GRB2: variants seen among roughly 807,000 people sequenced by gnomAD.
GRB2 encodes growth factor receptor-bound protein 2.
A neutral mutation model predicts 27.4 loss-of-function variants in GRB2; 2 were observed. That is an observed-to-expected ratio of 0.07 (90% CI 0.03 to 0.23). GRB2 has a LOEUF of 0.23. Among genes scored for constraint, GRB2 ranks in the 10% least tolerant of loss-of-function variants. The pLI is 1.00. For synonymous variants in GRB2, 94 were observed against 99.6 expected, an observed-to-expected ratio of 0.94 and a Z score of 0.33; for missense variants, 102 against 282.4, an observed-to-expected ratio of 0.36 and a Z score of 4.58.
At chr17:75,380,060 G>C (rs986442850) in intron 2 of GRB2, among the ~76,000 whole-genome samples, 5 of 152,176 alleles carry the variant, frequency 3.3e-5, no homozygotes, top group Non-Finnish European at 1.5e-5. Flanking sequence ...TATTCGTAGA[G>C]AAAACAGCTG....
chr17:75,398,797 G>A (rs1418472560), intron 1 of GRB2, among the ~76,000 whole-genome samples: 1 of 151,792 alleles, frequency 6.6e-6, no homozygotes, highest in Non-Finnish European at 1.5e-5. Flanking sequence ...CCTCAGGCTG[G>A]AGTGCAGTGG....
intron 1 of GRB2, among the ~76,000 whole-genome samples, chr17:75,401,338 G>A (rs980096010): frequency 3.3e-5 from 5 of 150,980 alleles, no homozygotes; most frequent in African/African-American, 1.2e-4. Context: ...CCAGCTACTC[G>A]GGAGGCTGAG....
intron 3 of GRB2, 127 bp from the exon 4 acceptor site, chr17:75,326,147 C>T: frequency 9.4e-7 from 1 of 1,066,002 alleles, no homozygotes. Flanking sequence ...ATCCTCCAGC[C>T]TCACAGTGCC....
At chr17:75,351,279 G>A (rs1278174411) in intron 2 of GRB2, among the ~76,000 whole-genome samples, 1 of 152,072 alleles carries the variant, frequency 6.6e-6, no homozygotes, top group Non-Finnish European at 1.5e-5. Flanking sequence ...TAGGAACAGG[G>A]TGCACAGGAC....
chr17:75,393,534 T>A lies in GRB2; in HGVS notation c.78+17A>T. 1 of 1,604,760 alleles carries A rather than the reference T, an allele frequency of 6.2e-7. No individual in the cohort carries two copies. The highest frequency in any genetic ancestry group is 8.5e-7 in the Non-Finnish European group (1 of 1,171,426). On this transcript the variant is annotated intron_variant, in intron 2 of 5. Transcript: ENST00000316804. ...AGGGAGAGCGATCTCAGCATTGTGC[T>A]CGGCATCAGCACTTACCTTGAGGAT... is the stretch of plus-strand genomic sequence containing the variant.
chr17:75,349,402 A>T (rs2078674721), intron 2 of GRB2, among the ~76,000 whole-genome samples: 1 of 152,050 alleles, frequency 6.6e-6, no homozygotes, highest in African/African-American at 2.4e-5. Flanking sequence ...TAGCCTGCTA[A>T]GGCTGTAAAA....
chr17:75,364,563 G>A (rs570331866), intron 2 of GRB2, among the ~76,000 whole-genome samples: 2 of 152,182 alleles, frequency 1.3e-5, no homozygotes, highest in South Asian at 2.1e-4. Context: ...GTCCATGTCT[G>A]TAACCACTAT....
intron 2 of GRB2, among the ~76,000 whole-genome samples, chr17:75,348,832 C>T (rs977867216): frequency 5.9e-5 from 9 of 152,140 alleles, no homozygotes; most frequent in African/African-American, 1.2e-4. Context: ...CACGCCGCCA[C>T]GCCTGGATAA....
At chr17:75,343,529 A>G (rs561850506) in intron 2 of GRB2, among the ~76,000 whole-genome samples, 8 of 152,338 alleles carry the variant, frequency 5.3e-5, no homozygotes, top group African/African-American at 1.4e-4. Flanking sequence ...AGTTCAAAAG[A>G]TAACTAGGAT....
At chr17:75,334,716 G>C (rs866931746) in intron 2 of GRB2, among the ~76,000 whole-genome samples, 3 of 152,174 alleles carry the variant, frequency 2.0e-5, no homozygotes, top group African/African-American at 7.2e-5. Flanking sequence ...AAGGTGGGAA[G>C]ACTGCTTTAG....
At chr17:75,340,952 AAC>A (rs1236341373) in intron 2 of GRB2, among the ~76,000 whole-genome samples, 1 of 152,158 alleles carries the variant, frequency 6.6e-6, no homozygotes, top group East Asian at 1.9e-4. Context: ...CTCACCCAGG[AAC>A]ACAGAGAGAA....
At chr17:75,340,480 C>T (rs560315994) in intron 2 of GRB2, among the ~76,000 whole-genome samples, 1 of 152,174 alleles carries the variant, frequency 6.6e-6, no homozygotes, top group Non-Finnish European at 1.5e-5. Context: ...ATTCTAGTGA[C>T]ATCTACTACA....
At chr17:75,363,662 A>G (rs1287091968) in intron 2 of GRB2, among the ~76,000 whole-genome samples, 2 of 151,724 alleles carry the variant, frequency 1.3e-5, no homozygotes, top group Non-Finnish European at 2.9e-5. Flanking sequence ...GATCGAGACC[A>G]TCCTGGCCAA....
intron 2 of GRB2, among the ~76,000 whole-genome samples, chr17:75,337,892 CTACTACTACTATTATTAT>C (rs1282272150): frequency 7.8e-6 from 1 of 127,652 alleles, no homozygotes; most frequent in African/African-American, 3.1e-5. Context: ...ACTACTACTA[CTACTACTACTATTATTAT>C]TATTATTATT....
intron 1 of GRB2, among the ~76,000 whole-genome samples, chr17:75,400,314 T>C (rs1176531449): frequency 5.3e-5 from 8 of 151,514 alleles, no homozygotes; most frequent in Admixed American, 3.3e-4. Context: ...ACTGGGACTA[T>C]AGGCGTGCAC....
chr17:75,382,431 T>C (rs2078935204), intron 2 of GRB2, among the ~76,000 whole-genome samples: 1 of 152,218 alleles, frequency 6.6e-6, no homozygotes, highest in African/African-American at 2.4e-5. Context: ...TCAAGGTTTC[T>C]GGATTTTGGA....
chr17:75,379,306 A>G (rs1447240433), intron 2 of GRB2, among the ~76,000 whole-genome samples: 1 of 152,136 alleles, frequency 6.6e-6, no homozygotes, highest in East Asian at 1.9e-4. Flanking sequence ...GGGCATCAGG[A>G]GGGAATTATG....
At position 75,321,558 on chromosome 17, in the gene GRB2, G is replaced by A. The variant is rs530196683; in HGVS notation, c.468+101C>T. The A allele has an allele frequency of 3.0e-4, 310 of 1,048,026 alleles. 1 individual carries two copies. The African/African-American group carries it at 4.2e-3, about 14-fold the overall frequency. The allele number at this position is 1,048,026 out of a possible 1,614,324, so 64.9% of individuals were successfully genotyped here. A position where few individuals can be genotyped will look rare whatever the true frequency, so the allele number is the denominator to read the frequency against. On this transcript the variant is annotated intron_variant, in intron 5 of 5. Transcript: ENST00000316804. ...AAGCCCCAGCGGCAATCCCTGAAGGGCGCCCGCATGTTGAGGGGCGCCTCC... is the reference window on the plus strand; with the variant it reads ...AAGCCCCAGCGGCAATCCCTGAAGGACGCCCGCATGTTGAGGGGCGCCTCC...
chr17:75,328,813 CT>C (rs981742672), intron 3 of GRB2, among the ~76,000 whole-genome samples: 127 of 151,790 alleles, frequency 8.4e-4, no homozygotes, highest in African/African-American at 3.0e-3. Flanking sequence ...TGGCAGGTGC[CT>C]GTAGTCCCAG....
Sources: gnomAD v4.1 joint callset for allele counts (sites outside exome capture counted in the v4.1 genomes callset) on GRCh38, gnomAD v4.1.1 for gene constraint, MANE v1.5 for transcripts, NCBI Gene and HGNC (gene_info 2026-07-23, HGNC 2026-07-21) for gene names.